CPXM2: variants seen among roughly 807,000 people sequenced by gnomAD.
CPXM2 encodes the protein carboxypeptidase X, M14 family member 2.
CPXM2 carries 66 observed loss-of-function variants against 86.1 expected under a neutral mutation model. That is an observed-to-expected ratio of 0.77 (90% CI 0.63 to 0.94). The LOEUF (loss-of-function observed/expected upper bound fraction) is 0.94, where lower values mean the gene tolerates loss of function less well. Ranked by LOEUF, CPXM2 falls within the 40% of genes least tolerant of loss-of-function variation. The pLI is 0.00. For synonymous variants in CPXM2, 388 were observed against 400.2 expected, an observed-to-expected ratio of 0.97 and a Z score of 0.36; for missense variants, 948 against 1,026.3, an observed-to-expected ratio of 0.92 and a Z score of 1.04.
At position 123,880,250 on chromosome 10, in the gene CPXM2, C is replaced by T; in HGVS notation, c.364G>A (p.Asp122Asn). The T allele has an allele frequency of 6.3e-7, 1 of 1,591,624 alleles. No homozygotes were observed. The highest frequency in any genetic ancestry group is 1.1e-5 in the South Asian group (1 of 90,660). Residue 122 changes from aspartate (D) to asparagine (N), a missense_variant, in exon 2 of 14, where the codon GAT becomes AAT. Transcript: ENST00000241305. ...TKSSEKAANDDHSVRVAREDV... is the reference protein window; with the variant it reads ...TKSSEKAANDNHSVRVAREDV... ...TCACGGGCCACACGGACACTGTGAT[C>T]ATCGTTGGCAGCCTTCTCAGAGCTC...
At chr10:123,839,605 A>T (rs186608333) in intron 4 of CPXM2, among the ~76,000 whole-genome samples, 190 of 152,334 alleles carry the variant, frequency 1.2e-3, no homozygotes, top group African/African-American at 4.4e-3. Flanking sequence ...ATATAAAAAA[A>T]TGATACCATA....
At chr10:123,855,387 C>T (rs374735678) in intron 3 of CPXM2, among the ~76,000 whole-genome samples, 6 of 152,100 alleles carry the variant, frequency 3.9e-5, no homozygotes, top group South Asian at 4.2e-4. Flanking sequence ...AACAGAAAAT[C>T]GGGAAGGCAT....
intron 2 of CPXM2, among the ~76,000 whole-genome samples, chr10:123,932,016 G>T (rs965693725): frequency 3.3e-5 from 5 of 151,992 alleles, no homozygotes; most frequent in African/African-American, 4.8e-5. Context: ...AGTCTGAGTG[G>T]TTTTTTTTAA....
intron 2 of CPXM2, among the ~76,000 whole-genome samples, chr10:123,923,285 G>C (rs933874483): frequency 1.3e-5 from 2 of 152,172 alleles, no homozygotes; most frequent in African/African-American, 4.8e-5. Flanking sequence ...TGGCTCTTAA[G>C]AAATAAACAT....
At chr10:123,848,999 C>T (rs1188008662) in intron 3 of CPXM2, among the ~76,000 whole-genome samples, 1 of 152,160 alleles carries the variant, frequency 6.6e-6, no homozygotes, top group African/African-American at 2.4e-5. Flanking sequence ...TTAGTATGTG[C>T]CTGCTGTGAC....
At chr10:123,863,423 T>C (rs773694672) in intron 2 of CPXM2, among the ~76,000 whole-genome samples, 30 of 152,120 alleles carry the variant, frequency 2.0e-4, no homozygotes, top group Non-Finnish European at 2.9e-4. Context: ...GTCCCCGCAT[T>C]GAGGGGGTTT....
chr10:123,855,646 C>T (rs1590070402), intron 3 of CPXM2, among the ~76,000 whole-genome samples: 1 of 152,194 alleles, frequency 6.6e-6, no homozygotes, highest in Non-Finnish European at 1.5e-5. Flanking sequence ...CAGGATAAAA[C>T]TCAGTTGGTT....
chr10:123,811,470 C>G (rs989030494), intron 4 of CPXM2, among the ~76,000 whole-genome samples: 1 of 151,768 alleles, frequency 6.6e-6, no homozygotes, highest in South Asian at 2.1e-4. Flanking sequence ...ATGTGACAAG[C>G]GAAACTTAAA....
intron 11 of CPXM2, among the ~76,000 whole-genome samples, chr10:123,759,540 C>CA (rs1483013113): frequency 6.6e-6 from 1 of 152,118 alleles, no homozygotes; most frequent in Non-Finnish European, 1.5e-5. Context: ...AATACGTGGC[C>CA]AGAGAAGGGC....
chr10:123,838,937 G>C lies in CPXM2; in HGVS notation c.653+3412C>G, dbSNP rs573325658. ...GTGAGGGAGAAGAGGGGAGGACCAG[G>C]CAGGCGACTGTCCCCAAATCCTCAG... On this transcript the variant is annotated intron_variant, in intron 4 of 13. Transcript: ENST00000241305. 3.6e-4 allele frequency among the ~76,000 whole-genome samples: 55 copies of C among 152,276 alleles called. 2 individuals are homozygous for C. The South Asian group carries it at 8.3e-3, about 23-fold the overall frequency.
chr10:123,880,635 C>A (rs369214885), intron 1 of CPXM2, among the ~76,000 whole-genome samples: 1 of 151,912 alleles, frequency 6.6e-6, no homozygotes, highest in Admixed American at 6.6e-5. Context: ...CAAGACCATC[C>A]TGGCTAACAC....
intron 4 of CPXM2, among the ~76,000 whole-genome samples, chr10:123,814,088 T>C (rs76236757): frequency 0.011 from 1,648 of 152,340 alleles, 33 homozygotes; most frequent in African/African-American, 0.038. Flanking sequence ...GCTGCAGTTA[T>C]CAGTCTTGAC....
At chr10:123,826,752 A>G (rs948710264) in intron 4 of CPXM2, among the ~76,000 whole-genome samples, 1 of 152,180 alleles carries the variant, frequency 6.6e-6, no homozygotes, top group African/African-American at 2.4e-5. Context: ...GACACACAGA[A>G]AGCATGCCAA....
chr10:123,831,463 T>G (rs1296224522), intron 4 of CPXM2, among the ~76,000 whole-genome samples: 1 of 152,186 alleles, frequency 6.6e-6, no homozygotes, highest in African/African-American at 2.4e-5. Flanking sequence ...TTTGAGGACT[T>G]TCATGTGCCC....
At chr10:123,819,783 C>T (rs1222634745) in intron 4 of CPXM2, among the ~76,000 whole-genome samples, 1 of 152,122 alleles carries the variant, frequency 6.6e-6, no homozygotes, top group Non-Finnish European at 1.5e-5. Context: ...TTCAAATTGA[C>T]AAGAGATGGG....
intron 4 of CPXM2, among the ~76,000 whole-genome samples, chr10:123,806,539 T>C (rs751901513): frequency 1.5e-4 from 23 of 152,174 alleles, no homozygotes; most frequent in African/African-American, 5.1e-4. Context: ...TATAGTATAC[T>C]GGTTAATACC....
chr10:123,866,132 G>A (rs557365066), intron 2 of CPXM2, among the ~76,000 whole-genome samples: 120 of 152,156 alleles, frequency 7.9e-4, no homozygotes, highest in South Asian at 3.9e-3. Flanking sequence ...GCTGCAGCAC[G>A]GGCTCATCAC....
rs549516959 is a variant in CPXM2, at chr10:123,836,638, T to C, written c.653+5711A>G. The stretch of plus-strand genomic sequence containing the variant: ...ATCTCAATGCAGATCTTACACTCTC[T>C]GAGTTTCCAGACCCGAATCCTGTCA... On this transcript the variant is annotated intron_variant, in intron 4 of 13. Coordinates refer to ENST00000241305, the MANE Select transcript of CPXM2 (RefSeq NM_198148.3). Among the ~76,000 whole-genome samples, 65 of 152,348 alleles carry C rather than the reference T, an allele frequency of 4.3e-4. 1 individual carries two copies. The highest frequency in any genetic ancestry group is 1.5e-3 in the African/African-American group (63 of 41,584).
intron 4 of CPXM2, among the ~76,000 whole-genome samples, chr10:123,805,350 G>A (rs888079277): frequency 1.3e-5 from 2 of 151,844 alleles, no homozygotes; most frequent in African/African-American, 4.8e-5. Context: ...AGGTTATAAT[G>A]TTCCCTCTGA....
Sources: allele counts gnomAD v4.1 joint callset (sites outside exome capture counted in the v4.1 genomes callset), GRCh38; gene constraint gnomAD v4.1.1; transcripts MANE v1.5; gene names NCBI Gene and HGNC (gene_info 2026-07-23, HGNC 2026-07-21).